Variants in AK2 observed in about 807,000 individuals in gnomAD.
AK2 encodes the protein adenylate kinase 2, also known as adenylate kinase 2, mitochondrial.
AK2 carries 15 observed loss-of-function variants against 24.6 expected under a neutral mutation model. That is an observed-to-expected ratio of 0.61 (90% CI 0.41 to 0.94). The LOEUF is 0.94. Ranked by LOEUF, AK2 falls within the 40% of genes least tolerant of loss-of-function variation. AK2 has a pLI of 0.00. For missense variants in AK2, 257 were observed against 304.1 expected, an observed-to-expected ratio of 0.85 and a Z score of 1.15; for synonymous variants, 102 against 114.0, an observed-to-expected ratio of 0.90 and a Z score of 0.67.
At position 33,010,221 on chromosome 1, in the gene AK2, C is replaced by A; in HGVS notation, c.*2960G>T. 2.2e-6 allele frequency: 1 copy of A among 454,402 alleles called. No homozygotes were observed. Among genetic ancestry groups the A allele is most frequent in the South Asian group, 1.6e-5 (1 of 64,486 alleles). 28.1% of individuals were successfully genotyped at this position (454,402 alleles called of 1,614,324 possible). Reference sequence around the variant, plus strand: ...GTAGCCTAGTAAATTAGTGGTAAGTCAGGGGAAGGGAATCAGCCTCCCTTT... The same window carrying A: ...GTAGCCTAGTAAATTAGTGGTAAGTAAGGGGAAGGGAATCAGCCTCCCTTT... On this transcript the variant is annotated 3_prime_UTR_variant, in exon 6 of 6. Transcript: ENST00000672715.
chr1:33,012,206 A>T lies in AK2; in HGVS notation c.*975T>A, dbSNP rs976490138. 2.0e-5 allele frequency: 31 copies of T among 1,535,348 alleles called. No individual in the cohort carries two copies. In the African/African-American group the frequency reaches 3.7e-4, roughly 18 times the overall value. On this transcript the variant is annotated 3_prime_UTR_variant, in exon 6 of 6. Transcript: ENST00000672715. ...GGCAACAATTCAGTTTTCAAACCCAATTCCCAAATAATTGCTATTTTCAGC... is the reference window on the plus strand; with the variant it reads ...GGCAACAATTCAGTTTTCAAACCCATTTCCCAAATAATTGCTATTTTCAGC...
chr1:33,024,705 G>C (rs1205564467), intron 1 of AK2, 138 bp from the exon 2 acceptor site: 1 of 1,005,176 alleles, frequency 9.9e-7, no homozygotes, highest in Admixed American at 2.0e-5. Context: ...CTGTAATGGG[G>C]ATAAAAGTAC....
In AK2 at chr1:33,011,233, G is replaced by C; in HGVS notation, c.*1948C>G. On this transcript the variant is annotated 3_prime_UTR_variant, in exon 6 of 6. Coordinates refer to ENST00000672715, the MANE Select transcript of AK2 (RefSeq NM_001625.4). ...AATTGTCCCTAGTTAAAGGGGAGCT[G>C]ATTCTAAGATTCATGATGCCACTGT... 1.5e-6 allele frequency: 2 copies of C among 1,302,994 alleles called. No individual in the cohort carries two copies. The highest frequency in any genetic ancestry group is 1.2e-5 in the South Asian group (1 of 80,636). 80.7% of individuals were successfully genotyped at this position (1,302,994 alleles called of 1,614,324 possible).
At chr1:33,020,717 T>C (rs1332576061) in intron 4 of AK2, among the ~76,000 whole-genome samples, 2 of 151,970 alleles carry the variant, frequency 1.3e-5, no homozygotes, top group Admixed American at 1.3e-4. Context: ...TGGTGGTACA[T>C]GCCTGTAGTC....
chr1:33,032,540 T>C (rs1012925167), intron 1 of AK2: 8 of 152,136 alleles, frequency 5.3e-5, no homozygotes, highest in South Asian at 2.1e-4. Context: ...TATAGAAATA[T>C]TTCAGCTAAT....
At chr1:33,035,629 G>C (rs939854527) in intron 1 of AK2, among the ~76,000 whole-genome samples, 2 of 152,152 alleles carry the variant, frequency 1.3e-5, no homozygotes, top group Non-Finnish European at 2.9e-5. Context: ...TCCAACCTGC[G>C]GGCTTCCAAA....
chr1:33,012,624 T>C lies in AK2; in HGVS notation c.*557A>G. On this transcript the variant is annotated 3_prime_UTR_variant, in exon 6 of 6. Coordinates refer to ENST00000672715, the MANE Select transcript of AK2 (RefSeq NM_001625.4). ...AAGAAGTAAACAGCTGGGCTGGGTG[T>C]AGTGGCTCACGTCTGTGATCCTGGC... is the stretch of plus-strand genomic sequence containing the variant. 1 of 1,289,584 alleles carries C rather than the reference T, an allele frequency of 7.8e-7. No individual in the cohort carries two copies. Among genetic ancestry groups the C allele is most frequent in the South Asian group, 1.2e-5 (1 of 80,936 alleles). The allele number at this position is 1,289,584 out of a possible 1,614,324, so 79.9% of individuals were successfully genotyped here. A position where few individuals can be genotyped will look rare whatever the true frequency, so the allele number is the denominator to read the frequency against.
rs2124266946 is a variant in AK2, at chr1:33,011,161, A to C, written c.*2020T>G. The C allele has an allele frequency of 7.4e-7, 1 of 1,352,462 alleles. No individual in the cohort carries two copies. The highest frequency in any genetic ancestry group is 3.4e-5 in the East Asian group (1 of 29,816). The allele number at this position is 1,352,462 out of a possible 1,614,324, so 83.8% of individuals were successfully genotyped here. Reference sequence around the variant, plus strand: ...TATTTGGGCAAGGATCATGCACATAAAATTAGCAAACATTCAAGAACCTCA... The same window carrying C: ...TATTTGGGCAAGGATCATGCACATACAATTAGCAAACATTCAAGAACCTCA... On this transcript the variant is annotated 3_prime_UTR_variant, in exon 6 of 6. Transcript: ENST00000672715.
Position 33,009,681 on chromosome 1 carries a change from A to G in AK2, c.*3500T>C, listed in dbSNP as rs1209011808. The G allele has an allele frequency of 2.2e-6, 1 of 454,124 alleles. No individual in the cohort carries two copies. The highest frequency in any genetic ancestry group is 2.3e-5 in the Admixed American group (1 of 42,572). 28.1% of individuals were successfully genotyped at this position (454,124 alleles called of 1,614,324 possible). On this transcript the variant is annotated 3_prime_UTR_variant, in exon 6 of 6. Coordinates refer to ENST00000672715, the MANE Select transcript of AK2 (RefSeq NM_001625.4). ...GCTGGGATTTGTCCTAGGTCCCCTG[A>G]ACTCCAAGCACAGTGCTATCTCCAC...
chr1:33,015,571 T>TATTTTTCACCATTTGGTG (rs1183540678), intron 4 of AK2, among the ~76,000 whole-genome samples: 1 of 152,244 alleles, frequency 6.6e-6, no homozygotes, highest in Non-Finnish European at 1.5e-5. Context: ...TAGAGCTCCC[T>TATTTTTCACCATTTGGTG]AATATTTTTC....
chr1:33,031,965 C>G (rs1374987030), intron 1 of AK2: 1 of 209,932 alleles, frequency 4.8e-6, no homozygotes, highest in Non-Finnish European at 1.0e-5. Context: ...GATGCAAAAG[C>G]GAGTAGTTTT....
intron 4 of AK2, 60 bp downstream of exon 4, chr1:33,021,307 A>T: frequency 7.0e-7 from 1 of 1,433,558 alleles, no homozygotes; most frequent in Admixed American, 1.7e-5. Context: ...GGCAAGAGCA[A>T]TTCTCAGAGT....
intron 1 of AK2, 84 bp downstream of exon 1, chr1:33,036,652 G>T: frequency 7.7e-7 from 1 of 1,304,878 alleles, no homozygotes; most frequent in Non-Finnish European, 1.1e-6. Context: ...CCCGCTCCGG[G>T]CAGGTCCAGG....
intron 1 of AK2, among the ~76,000 whole-genome samples, chr1:33,035,048 C>G (rs1640495576): frequency 6.6e-6 from 1 of 152,062 alleles, no homozygotes; most frequent in South Asian, 2.1e-4. Flanking sequence ...AAAAGAAAAA[C>G]AATGAAGCAT....
intron 1 of AK2, among the ~76,000 whole-genome samples, chr1:33,033,692 T>C (rs1268285974): frequency 6.6e-6 from 1 of 152,182 alleles, no homozygotes; most frequent in Non-Finnish European, 1.5e-5. Flanking sequence ...TATAATAATT[T>C]GTGAAGGGAG....
At position 33,011,619 on chromosome 1, in the gene AK2, C is replaced by A; in HGVS notation, c.*1562G>T. ...CAGCAGCAGATTATGCTGAGGCTGG[C>A]GATATTATTTACTGGATCTGCCACT... On this transcript the variant is annotated 3_prime_UTR_variant, in exon 6 of 6. Coordinates refer to ENST00000672715, the MANE Select transcript of AK2 (RefSeq NM_001625.4). 2 of 1,289,628 alleles carry A rather than the reference C, an allele frequency of 1.6e-6. No individual in the cohort carries two copies. Among genetic ancestry groups the A allele is most frequent in the Non-Finnish European group, 2.0e-6 (2 of 990,566 alleles). 79.9% of individuals were successfully genotyped at this position (1,289,628 alleles called of 1,614,324 possible).
intron 1 of AK2, among the ~76,000 whole-genome samples, chr1:33,035,001 A>G (rs1467804510): frequency 6.6e-6 from 1 of 152,198 alleles, no homozygotes; most frequent in Non-Finnish European, 1.5e-5. Context: ...CAACCTGGGC[A>G]ACAGAGTGAG....
At chr1:33,017,442 T>C (rs1411123643) in intron 4 of AK2, among the ~76,000 whole-genome samples, 1 of 152,126 alleles carries the variant, frequency 6.6e-6, no homozygotes, top group Non-Finnish European at 1.5e-5. Context: ...TGCAGCAACT[T>C]TGGGAGGGGC....
At chr1:33,025,739 A>C (rs761677236) in intron 1 of AK2, among the ~76,000 whole-genome samples, 1 of 152,212 alleles carries the variant, frequency 6.6e-6, no homozygotes, top group Non-Finnish European at 1.5e-5. Context: ...AGTAAAATGG[A>C]GATGGTAATA....
Sources: gnomAD v4.1 joint callset for allele counts (sites outside exome capture counted in the v4.1 genomes callset) on GRCh38, gnomAD v4.1.1 for gene constraint, MANE v1.5 for transcripts, NCBI Gene and HGNC (gene_info 2026-07-23, HGNC 2026-07-21) for gene names.